Variants in TBXAS1 observed in about 807,000 individuals in gnomAD.
The protein encoded by TBXAS1 is thromboxane A synthase 1, also known as thromboxane-A synthase.
Under a neutral mutation model 60.7 loss-of-function variants are expected in TBXAS1, and 48 were observed. The observed-to-expected ratio is 0.79, with a 90% CI of 0.63 to 1.01. The LOEUF (loss-of-function observed/expected upper bound fraction) is 1.01. Among genes scored for constraint, TBXAS1 ranks in the 50% least tolerant of loss-of-function variants. TBXAS1 has a pLI of 0.00. For synonymous variants in TBXAS1, 287 were observed against 269.7 expected, an observed-to-expected ratio of 1.06 and a Z score of -0.63; for missense variants, 685 against 686.3, an observed-to-expected ratio of 1.00 and a Z score of 0.02.
intron 9 of TBXAS1, among the ~76,000 whole-genome samples, chr7:139,965,262 G>A (rs1810694324): frequency 6.6e-6 from 1 of 151,886 alleles, no homozygotes; most frequent in Non-Finnish European, 1.5e-5. Flanking sequence ...TGTACAGACT[G>A]TTGCAAAGCA....
intron 12 of TBXAS1, among the ~76,000 whole-genome samples, chr7:140,019,122 G>C (rs963546768): frequency 1.1e-4 from 16 of 152,242 alleles, no homozygotes; most frequent in African/African-American, 3.9e-4. Context: ...ATTCTAGATT[G>C]AGACAGGCAG....
chr7:139,914,891 T>C (rs769376304), intron 4 of TBXAS1, among the ~76,000 whole-genome samples: 17 of 152,198 alleles, frequency 1.1e-4, no homozygotes, highest in Non-Finnish European at 2.2e-4. Context: ...ACATATTGAC[T>C]CTTCAGCATC....
chr7:139,951,827 AGAG>A lies in TBXAS1; in HGVS notation c.451-1538_451-1536del, dbSNP rs1159815026. ...AAAGAAACAAAGAAGAAGGAAAGAA[AGAG>A]GAAAGAAAGAAAGAAGGAAGGAAGG... On this transcript the variant is annotated intron_variant, in intron 5 of 12. Coordinates refer to ENST00000448866, the MANE Select transcript of TBXAS1 (RefSeq NM_001061.7). Among the ~76,000 whole-genome samples, 12 of 91,000 alleles carry A rather than the reference AGAG, an allele frequency of 1.3e-4. 2 individuals carry two copies. In the East Asian group the frequency reaches 3.3e-3, roughly 25 times the overall value. 59.7% of individuals were successfully genotyped at this position (91,000 alleles called of 152,430 possible). A position where few individuals can be genotyped will look rare whatever the true frequency, so the allele number is the denominator to read the frequency against.
upstream of TBXAS1, among the ~76,000 whole-genome samples, chr7:139,824,651 T>C (rs773923589): frequency 6.6e-6 from 1 of 152,188 alleles, no homozygotes; most frequent in Non-Finnish European, 1.5e-5. Context: ...ACAGGTATGA[T>C]GATCTTGTTT....
At chr7:139,934,497 T>C (rs1304995208) in intron 4 of TBXAS1, among the ~76,000 whole-genome samples, 1 of 152,112 alleles carries the variant, frequency 6.6e-6, no homozygotes, top group Non-Finnish European at 1.5e-5. Flanking sequence ...CGCAAAGTCT[T>C]TTTCATTCAA....
intron 4 of TBXAS1, among the ~76,000 whole-genome samples, chr7:139,804,706 T>C (rs1181535970): frequency 6.6e-6 from 1 of 152,194 alleles, no homozygotes; most frequent in African/African-American, 2.4e-5. Flanking sequence ...TGAGATATGA[T>C]GGTTCTATAA....
At chr7:139,961,775 C>T in intron 8 of TBXAS1, 144 bp from the exon 9 acceptor site, 1 of 1,030,468 alleles carries the variant, frequency 9.7e-7, no homozygotes, top group South Asian at 1.5e-5. Context: ...CTCACCGTCC[C>T]AGATAACCCA....
In TBXAS1 at chr7:139,852,196, G is replaced by A. The variant is rs533160085; in HGVS notation, c.90-20039G>A. On this transcript the variant is annotated intron_variant, in intron 1 of 12. Transcript: ENST00000448866. This position sits in a 1 kb window ranked among gnomAD's most constrained non-coding sequence, Gnocchi z 4.4. ...ATGTTTGTTGTCTTCAGTCACTTAG[G>A]TCTGGGGGCAATTTGTGACACAGCA... Among the ~76,000 whole-genome samples, 2 of 152,200 alleles carry A rather than the reference G, an allele frequency of 1.3e-5. No homozygotes were observed. The highest frequency in any genetic ancestry group is 2.4e-5 in the African/African-American group (1 of 41,438).
chr7:139,829,518 C>T, intron 1 of TBXAS1, 39 bp downstream of exon 1: 1 of 1,585,262 alleles, frequency 6.3e-7, no homozygotes, highest in Admixed American at 1.7e-5. Context: ...ACAGCGTCAG[C>T]CGTCTCACCC....
intron 3 of TBXAS1, among the ~76,000 whole-genome samples, chr7:139,898,711 C>T (rs1321615902): frequency 6.6e-6 from 1 of 152,186 alleles, no homozygotes; most frequent in South Asian, 2.1e-4. Context: ...TCAGCTTCCT[C>T]GTCCCTGACA....
chr7:139,958,783 C>T (rs41729), intron 8 of TBXAS1, among the ~76,000 whole-genome samples: 112,053 of 152,166 alleles, frequency 0.74, 41,650 homozygotes, highest in Admixed American at 0.79. Context: ...TTGCAGCCCC[C>T]TCGGCCCACA....
chr7:140,013,645 G>A lies in TBXAS1; in HGVS notation c.1227-2078G>A, dbSNP rs971168444. The stretch of plus-strand genomic sequence containing the variant: ...GGAGGAGACCCAAGCTGGGGGACTG[G>A]AAGGTGGTTCAGATTGTTCACAAGC... On this transcript the variant is annotated intron_variant, in intron 10 of 12. Coordinates refer to ENST00000448866, the MANE Select transcript of TBXAS1 (RefSeq NM_001061.7). The surrounding 1 kb of genome is among the most constrained non-coding windows in gnomAD (Gnocchi z 4.2). 2.0e-5 allele frequency among the ~76,000 whole-genome samples: 3 copies of A among 152,206 alleles called. No homozygotes were observed. Among genetic ancestry groups the A allele is most frequent in the Non-Finnish European group, 4.4e-5 (3 of 68,030 alleles).
Position 139,950,565 on chromosome 7 carries a change from G to A in TBXAS1, c.451-2803G>A, listed in dbSNP as rs540302381. 2.8e-4 allele frequency among the ~76,000 whole-genome samples: 42 copies of A among 152,234 alleles called. No individual in the cohort carries two copies. The Middle Eastern group carries it at 0.01, about 37-fold the overall frequency. On this transcript the variant is annotated intron_variant, in intron 5 of 12. Transcript: ENST00000448866. Reference sequence around the variant, plus strand: ...CTGCTCCTTGAGCTGTTGTTCAGCCGTCCATAGCGCTGTCCAGGCCATTGT... The same window carrying A: ...CTGCTCCTTGAGCTGTTGTTCAGCCATCCATAGCGCTGTCCAGGCCATTGT...
At chr7:139,997,798 T>C (rs920692895) in intron 9 of TBXAS1, among the ~76,000 whole-genome samples, 2 of 152,270 alleles carry the variant, frequency 1.3e-5, no homozygotes, top group African/African-American at 4.8e-5. Context: ...GTGAACAACC[T>C]GTCTGTCAAA....
At chr7:139,875,555 A>AT (rs746339680) in intron 2 of TBXAS1, 30 bp from the exon 3 acceptor site, 251 of 1,604,718 alleles carry the variant, frequency 1.6e-4, no homozygotes, top group Non-Finnish European at 1.9e-4. Flanking sequence ...GCTTAATCTT[A>AT]TTCTTACTAT....
At position 139,946,364 on chromosome 7, in the gene TBXAS1, A is replaced by G. The variant is rs75437456; in HGVS notation, c.451-7004A>G. Among the ~76,000 whole-genome samples, 533 of 152,296 alleles carry G rather than the reference A, an allele frequency of 3.5e-3. 4 individuals carry two copies. The highest frequency in any genetic ancestry group is 0.012 in the African/African-American group (516 of 41,572). On this transcript the variant is annotated intron_variant, in intron 5 of 12. Transcript: ENST00000448866. ...CAAAAGAAAAGAAAAGAGGCCAGGA[A>G]GCTCTTTCAAAGAACTTTCTTTAGT...
chr7:139,878,235 GGA>G (rs373707574), intron 3 of TBXAS1, among the ~76,000 whole-genome samples: 20 of 147,974 alleles, frequency 1.4e-4, no homozygotes, highest in South Asian at 2.2e-4. Flanking sequence ...TAGAAGAGGG[GGA>G]GAGAGAGAGA....
chr7:139,976,396 T>C (rs1471223884), intron 9 of TBXAS1, among the ~76,000 whole-genome samples: 1 of 152,240 alleles, frequency 6.6e-6, no homozygotes, highest in African/African-American at 2.4e-5. Flanking sequence ...GGAAGGAGAC[T>C]GGATCGGCCA....
chr7:139,949,525 G>C lies in TBXAS1; in HGVS notation c.451-3843G>C, dbSNP rs150833135. 5.9e-5 allele frequency among the ~76,000 whole-genome samples: 9 copies of C among 152,266 alleles called. No homozygotes were observed. In the East Asian group the frequency reaches 1.5e-3, roughly 26 times the overall value. On this transcript the variant is annotated intron_variant, in intron 5 of 12. Transcript: ENST00000448866. ...TGTACTGACTTTTCCAATGTTAAGG[G>C]TAGACTGAGACTTCTTGGAAGTTGG...
Sources: allele counts gnomAD v4.1 joint callset (sites outside exome capture counted in the v4.1 genomes callset), GRCh38; gene constraint gnomAD v4.1.1; non-coding constraint Gnocchi (gnomAD v3.1); transcripts MANE v1.5; gene names NCBI Gene and HGNC (gene_info 2026-07-23, HGNC 2026-07-21).